The following CDH4 variants were observed in gnomAD, a reference collection of about 807,000 sequenced individuals.
The protein encoded by CDH4 is cadherin-4.
CDH4 carries 33 observed loss-of-function variants against 86.0 expected under a neutral mutation model. The ratio of observed to expected loss-of-function variants is 0.38; its 90% confidence interval spans 0.29 to 0.51. The LOEUF is 0.51. Ranked by LOEUF, CDH4 falls within the 20% of genes least tolerant of loss-of-function variation. The pLI, the probability that CDH4 is intolerant of heterozygous loss-of-function variation, is 0.86. For missense variants in CDH4, 1,114 were observed against 1,307.4 expected (o/e 0.85, Z 2.28); for synonymous variants, 555 against 549.4 (o/e 1.01, Z -0.14).
At chr20:61,320,248 T>G (rs887346438) in intron 2 of CDH4, among the ~76,000 whole-genome samples, 1 of 152,198 alleles carries the variant, frequency 6.6e-6, no homozygotes, top group Non-Finnish European at 1.5e-5. Context: ...GTCTTCTCCC[T>G]GCGTTCCTTG....
chr20:61,761,365 C>G (rs530110590), intron 3 of CDH4, among the ~76,000 whole-genome samples: 1 of 152,314 alleles, frequency 6.6e-6, no homozygotes, highest in East Asian at 1.9e-4. Flanking sequence ...CGTATCCTCC[C>G]TGTTCCAACA....
intron 2 of CDH4, among the ~76,000 whole-genome samples, chr20:61,351,815 C>G (rs1381682654): frequency 6.6e-6 from 1 of 151,930 alleles, no homozygotes; most frequent in Non-Finnish European, 1.5e-5. Flanking sequence ...CTCCCAGGTT[C>G]AAGCGATTCT....
chr20:61,274,070 T>G (rs2084207744), intron 2 of CDH4, among the ~76,000 whole-genome samples: 1 of 118,844 alleles, frequency 8.4e-6, no homozygotes, highest in Non-Finnish European at 1.7e-5. Context: ...GGGGAAGTAC[T>G]GGGGGAGTAC....
At chr20:61,907,210 G>A (rs1413422094) in intron 8 of CDH4, among the ~76,000 whole-genome samples, 1 of 151,920 alleles carries the variant, frequency 6.6e-6, no homozygotes, top group Non-Finnish European at 1.5e-5. Context: ...CACCAGGTCA[G>A]CTCCTAGACT....
At chr20:61,597,005 C>T (rs141677378) in intron 2 of CDH4, among the ~76,000 whole-genome samples, 254 of 152,252 alleles carry the variant, frequency 1.7e-3, no homozygotes, top group Admixed American at 3.1e-3. Context: ...TCTTTATTAA[C>T]GCGATTAGTA....
At chr20:61,494,158 T>C (rs1322468477) in intron 2 of CDH4, among the ~76,000 whole-genome samples, 7 of 152,214 alleles carry the variant, frequency 4.6e-5, no homozygotes, top group African/African-American at 1.7e-4. Context: ...CTGCAAGTTC[T>C]GGAGGCTGGG....
At chr20:61,290,879 A>T (rs1388793417) in intron 2 of CDH4, among the ~76,000 whole-genome samples, 2 of 152,200 alleles carry the variant, frequency 1.3e-5, no homozygotes, top group African/African-American at 2.4e-5. Context: ...TAAGGGTCTG[A>T]TGTTAGCTTC....
intron 2 of CDH4, among the ~76,000 whole-genome samples, chr20:61,425,294 C>A (rs1418844806): frequency 6.6e-6 from 1 of 152,070 alleles, no homozygotes; most frequent in African/African-American, 2.4e-5. Context: ...CGGCCAGGAC[C>A]GGAGAGCAGT....
At chr20:61,843,435 C>T (rs866302529) in intron 4 of CDH4, among the ~76,000 whole-genome samples, 47 of 123,648 alleles carry the variant, frequency 3.8e-4, no homozygotes, top group African/African-American at 1.1e-3. Flanking sequence ...CCGGCCTGGG[C>T]GACAGAGCGA....
chr20:61,726,660 C>G (rs1430445553), intron 2 of CDH4, among the ~76,000 whole-genome samples: 1 of 151,964 alleles, frequency 6.6e-6, no homozygotes, highest in South Asian at 2.1e-4. Flanking sequence ...CCATCATGAC[C>G]ATCACTGCCA....
intron 7 of CDH4, among the ~76,000 whole-genome samples, chr20:61,891,647 C>T (rs982991523): frequency 6.6e-6 from 1 of 152,210 alleles, no homozygotes; most frequent in Non-Finnish European, 1.5e-5. Flanking sequence ...CAGGAGCCAG[C>T]GCCCCACTGC....
intron 1 of CDH4, among the ~76,000 whole-genome samples, chr20:61,254,326 T>C (rs2084085379): frequency 6.6e-6 from 1 of 152,154 alleles, no homozygotes; most frequent in Non-Finnish European, 1.5e-5. Context: ...CTTCTTCCTT[T>C]CTCTCCTCTT....
intron 4 of CDH4, among the ~76,000 whole-genome samples, chr20:61,791,221 G>C (rs1490427847): frequency 6.6e-6 from 1 of 152,252 alleles, no homozygotes; most frequent in Non-Finnish European, 1.5e-5. Context: ...AATTCTTCCA[G>C]GTGTTTGGGG....
At chr20:61,752,623 A>G (rs2074533273) in intron 3 of CDH4, among the ~76,000 whole-genome samples, 1 of 152,224 alleles carries the variant, frequency 6.6e-6, no homozygotes, top group Non-Finnish European at 1.5e-5. Flanking sequence ...AACAACACAC[A>G]TGCCCTCACC....
intron 2 of CDH4, among the ~76,000 whole-genome samples, chr20:61,689,677 A>G (rs1244821427): frequency 2.9e-4 from 34 of 115,616 alleles, no homozygotes; most frequent in East Asian, 5.7e-4. Context: ...TGTTTGGTGA[A>G]GTGATGTGGA....
intron 2 of CDH4, among the ~76,000 whole-genome samples, chr20:61,515,700 C>T (rs565279197): frequency 1.6e-4 from 25 of 152,334 alleles, no homozygotes; most frequent in Non-Finnish European, 3.1e-4. Flanking sequence ...TAGTCTACCC[C>T]GCCTGGCCAT....
chr20:61,401,995 A>G (rs991260797), intron 2 of CDH4, among the ~76,000 whole-genome samples: 2 of 152,264 alleles, frequency 1.3e-5, no homozygotes, highest in African/African-American at 4.8e-5. Flanking sequence ...CACGGAGGCC[A>G]GCAGTGGTTG....
chr20:61,467,304 A>C (rs2085477850), intron 2 of CDH4, among the ~76,000 whole-genome samples: 1 of 152,234 alleles, frequency 6.6e-6, no homozygotes, highest in South Asian at 2.1e-4. Flanking sequence ...CACCACAATG[A>C]CATTTGTTAA....
intron 2 of CDH4, among the ~76,000 whole-genome samples, chr20:61,376,689 T>C (rs1381871123): frequency 6.6e-6 from 1 of 152,208 alleles, no homozygotes; most frequent in East Asian, 1.9e-4. Context: ...CTGTGGATCC[T>C]TCTGTGTGGC....
Sources: allele counts gnomAD v4.1 joint callset (sites outside exome capture counted in the v4.1 genomes callset), GRCh38; gene constraint gnomAD v4.1.1; transcripts MANE v1.5; gene names NCBI Gene and HGNC (gene_info 2026-07-23, HGNC 2026-07-21).